The following ZNF3 variants were observed in gnomAD, a reference collection of about 807,000 sequenced individuals.
ZNF3 encodes the protein zinc finger protein 3.
A neutral mutation model predicts 36.9 loss-of-function variants in ZNF3; 16 were observed. That is an observed-to-expected ratio of 0.43 (90% CI 0.29 to 0.66). The LOEUF is 0.66. ZNF3 is among the 30% of genes least tolerant of loss of function. The pLI, the probability that ZNF3 is intolerant of heterozygous loss-of-function variation, is 0.13. For missense variants in ZNF3, 462 were observed against 543.1 expected, an observed-to-expected ratio of 0.85 and a Z score of 1.48; for synonymous variants, 201 against 201.9, an observed-to-expected ratio of 1.00 and a Z score of 0.04.
At chr7:100,068,113 G>C (rs1792737949), downstream of ZNF3, among the ~76,000 whole-genome samples, 1 of 152,052 alleles carries the variant, frequency 6.6e-6, no homozygotes, top group African/African-American at 2.4e-5. Context: ...CTTCGAGACA[G>C]TCTCGCTCTG....
At chr7:100,076,574 G>T (rs966843208) in intron 3 of ZNF3, among the ~76,000 whole-genome samples, 1 of 152,144 alleles carries the variant, frequency 6.6e-6, no homozygotes. Flanking sequence ...TTACAGAAGT[G>T]AGCCACCGCG....
At position 100,071,396 on chromosome 7, in the gene ZNF3, G is replaced by A; in HGVS notation, c.1088C>T (p.Thr363Ile). The A allele has an allele frequency of 6.2e-7, 1 of 1,614,228 alleles. No individual in the cohort carries two copies. The highest frequency in any genetic ancestry group is 8.5e-7 in the Non-Finnish European group (1 of 1,180,042). The change falls in exon 6 of 6, where the codon ACT becomes ATT. Residue 363 changes from threonine to isoleucine, a missense_variant. Physicochemically the swap from Thr to Ile is moderately conservative, Grantham distance 89. Transcript: ENST00000299667. ...CATACATTCGTAGGGCTTCTCTCCA[G>A]TGTGGATTCTCTGGTGCTGATAGAG... is the stretch of plus-strand genomic sequence containing the variant. ...SHLYQHQRIH[T>I]GEKPYECMEC...
chr7:100,075,707 A>C, intron 3 of ZNF3, 77 bp from the exon 4 acceptor site: 1 of 1,438,688 alleles, frequency 7.0e-7, no homozygotes. Context: ...CCCAACCCAC[A>C]GAAAGCTCCC....
At position 100,072,186 on chromosome 7, in the gene ZNF3, G is replaced by C. The variant is rs199741375; in HGVS notation, c.298C>G (p.Gln100Glu). 251 of 1,595,474 alleles carry C rather than the reference G, an allele frequency of 1.6e-4. 2 individuals are homozygous for C. In the Middle Eastern group the frequency reaches 5.9e-3, roughly 37 times the overall value. The change falls in exon 6 of 6, where the codon CAA becomes GAA. Residue 100 changes from glutamine (Q) to glutamate (E), a missense_variant. Transcript: ENST00000299667. ...GATCTTGTGTCTTCAGAAATTTCTTGATCATTTTCAGTCCTGGTCTCACGA... is the reference window on the plus strand; with the variant it reads ...GATCTTGTGTCTTCAGAAATTTCTTCATCATTTTCAGTCCTGGTCTCACGA... ...LDRETRTEND[Q>E]EISEDTRSHG...
downstream of ZNF3, chr7:100,065,153 C>A (rs2116192255): frequency 1.8e-6 from 1 of 555,424 alleles, no homozygotes; most frequent in Non-Finnish European, 3.0e-6. Context: ...GGGGGTCAGG[C>A]ACGGTGGCTT....
chr7:100,072,055 G>T lies in ZNF3; in HGVS notation c.429C>A (p.Ser143=). Residue 143 remains serine, a synonymous_variant, in exon 6 of 6, where the codon TCC becomes TCA. Transcript: ENST00000299667. ...TTTTCCTGTTCAGTCTTTCTCCAGG[G>T]GAGTTCCCCAGCGGCCTTTTCAGAC... is the stretch of plus-strand genomic sequence containing the variant. ...EVSLKRPLGN[S]PGERLNRKMP... 3.1e-6 allele frequency: 5 copies of T among 1,614,186 alleles called. No homozygotes were observed. The highest frequency in any genetic ancestry group is 4.2e-6 in the Non-Finnish European group (5 of 1,180,046).
intron 3 of ZNF3, chr7:100,077,015 G>C (rs1432971304): frequency 4.1e-6 from 1 of 244,302 alleles, no homozygotes; most frequent in East Asian, 9.0e-5. Context: ...AGGTTGCAGT[G>C]AGCCGAGATT....
downstream of ZNF3, among the ~76,000 whole-genome samples, chr7:100,069,441 A>G (rs1792816997): frequency 6.6e-6 from 1 of 151,272 alleles, no homozygotes; most frequent in Non-Finnish European, 1.5e-5. Context: ...AGTCCCAGCT[A>G]CTCTAGAGAC....
intron 5 of ZNF3, among the ~76,000 whole-genome samples, chr7:100,074,893 A>G (rs1195622867): frequency 3.3e-5 from 5 of 152,018 alleles, no homozygotes; most frequent in Admixed American, 3.3e-4. Context: ...AAACAAAACA[A>G]ATACAAAAAT....
exon 6 of ZNF3, chr7:100,064,069 C>A (rs144925041): frequency 6.2e-7 from 1 of 1,614,182 alleles, no homozygotes; most frequent in Non-Finnish European, 8.5e-7. Flanking sequence ...TAGCTCAAAT[C>A]TCACCAAACA....
chr7:100,064,528 T>C (rs760709685), exon 6 of ZNF3: 1 of 1,614,220 alleles, frequency 6.2e-7, no homozygotes, highest in South Asian at 1.1e-5. Context: ...AAAGCCCTAC[T>C]GGTGTCATCA....
chr7:100,064,751 G>A (rs1174676296), exon 6 of ZNF3: 3 of 1,614,086 alleles, frequency 1.9e-6, no homozygotes, highest in East Asian at 2.2e-5. Flanking sequence ...TGCCTGAGGA[G>A]TGCGAGCTCC....
chr7:100,071,352 T>C lies in ZNF3; in HGVS notation c.1132A>G (p.Thr378Ala). ...TGCTGAATAAGGCCTGAACTGTAGGTAAACTTTCCTCCACATTCCATACAT... is the reference window on the plus strand; with the variant it reads ...TGCTGAATAAGGCCTGAACTGTAGGCAAACTTTCCTCCACATTCCATACAT... ...YECMECGGKF[T>A]YSSGLIQHQR... Residue 378 changes from threonine (T) to alanine (A), a missense_variant, in exon 6 of 6, where the codon ACC becomes GCC. Transcript: ENST00000299667. 6.2e-7 allele frequency: 1 copy of C among 1,614,108 alleles called. No homozygotes were observed. The highest frequency in any genetic ancestry group is 8.5e-7 in the Non-Finnish European group (1 of 1,180,032).
downstream of ZNF3, among the ~76,000 whole-genome samples, chr7:100,068,570 G>C (rs1792762408): frequency 6.6e-6 from 1 of 151,688 alleles, no homozygotes; most frequent in Admixed American, 6.6e-5. Flanking sequence ...ATACTAGTGA[G>C]GCTGAGGTTG....
chr7:100,064,008 C>T, downstream of ZNF3: 14 of 1,614,132 alleles, frequency 8.7e-6, no homozygotes, highest in Non-Finnish European at 1.2e-5. Context: ...CTAAACCTAC[C>T]CCAGGAGAGA....
chr7:100,073,564 C>T (rs1320492504), intron 5 of ZNF3, among the ~76,000 whole-genome samples: 1 of 151,942 alleles, frequency 6.6e-6, no homozygotes, highest in East Asian at 2.0e-4. Context: ...GTTGGCCAGG[C>T]TGGTCTCAAA....
chr7:100,074,053 G>A (rs1359685108), intron 5 of ZNF3, among the ~76,000 whole-genome samples: 1 of 152,000 alleles, frequency 6.6e-6, no homozygotes, highest in African/African-American at 2.4e-5. Context: ...TACTCAGGAG[G>A]CTGTGGCAGG....
At chr7:100,067,352 A>G (rs1486777705), downstream of ZNF3, among the ~76,000 whole-genome samples, 1 of 152,136 alleles carries the variant, frequency 6.6e-6, no homozygotes, top group Non-Finnish European at 1.5e-5. Flanking sequence ...ACACACGCTG[A>G]GTCTGCTGAC....
At position 100,070,196 on chromosome 7, in the gene ZNF3, C is replaced by A; in HGVS notation, c.*947G>T. 2 of 984,242 alleles carry A rather than the reference C, an allele frequency of 2.0e-6. No homozygotes were observed. The highest frequency in any genetic ancestry group is 2.4e-6 in the Non-Finnish European group (2 of 829,706). 61.0% of individuals were successfully genotyped at this position (984,242 alleles called of 1,614,324 possible). A position where few individuals can be genotyped will look rare whatever the true frequency, so the allele number is the denominator to read the frequency against. ...TTTTTTCTCCCTTTTGGGCTTTGCT[C>A]TTTCTCTGCATTAATCTTCAGCTGC... On this transcript the variant is annotated 3_prime_UTR_variant, in exon 6 of 6. Coordinates refer to ENST00000299667, the MANE Select transcript of ZNF3 (RefSeq NM_032924.5).
Sources: allele counts gnomAD v4.1 joint callset (sites outside exome capture counted in the v4.1 genomes callset), GRCh38; gene constraint gnomAD v4.1.1; transcripts MANE v1.5; gene names NCBI Gene and HGNC (gene_info 2026-07-23, HGNC 2026-07-21).